The following MRPS28 variants were observed in gnomAD, a reference collection of about 807,000 sequenced individuals.
MRPS28 encodes the protein small ribosomal subunit protein bS1m.
MRPS28 carries 7 observed loss-of-function variants against 10.8 expected under a neutral mutation model. The ratio of observed to expected loss-of-function variants is 0.65; its 90% CI spans 0.37 to 1.22. The LOEUF (loss-of-function observed/expected upper bound fraction) is 1.22, where lower values mean the gene tolerates loss of function less well. MRPS28 is among the 50% of genes most tolerant of loss of function. The probability of loss-of-function intolerance (pLI) is 0.02; values close to 1 mark genes in which losing one functional copy is unlikely to be tolerated. For missense variants in MRPS28, 265 were observed against 232.9 expected, an observed-to-expected ratio of 1.14 and a Z score of -0.90; for synonymous variants, 121 against 93.3, an observed-to-expected ratio of 1.30 and a Z score of -1.71.
chr8:79,941,627 T>C (rs1249291930), intron 2 of MRPS28, among the ~76,000 whole-genome samples: 5 of 152,212 alleles, frequency 3.3e-5, no homozygotes, highest in Non-Finnish European at 7.3e-5. Context: ...AATAGAGTTC[T>C]TTCAAGATTT....
intron 1 of MRPS28, among the ~76,000 whole-genome samples, chr8:80,016,255 C>A (rs1809191867): frequency 1.3e-5 from 2 of 151,942 alleles, no homozygotes; most frequent in African/African-American, 4.8e-5. Context: ...TTTCAAACTA[C>A]AGAAAAATCA....
At position 80,023,178 on chromosome 8, in the gene MRPS28, C is replaced by T. The variant is rs552259086; in HGVS notation, c.213+6858G>A. On this transcript the variant is annotated intron_variant, in intron 1 of 2. Coordinates refer to ENST00000276585, the MANE Select transcript of MRPS28 (RefSeq NM_014018.3). ...ACTCAGAGGTAATTCTCCTAGAATT[C>T]TATAATGTAAAAACAGGTTGGCACC... 2.3e-3 allele frequency among the ~76,000 whole-genome samples: 352 copies of T among 152,236 alleles called. 1 individual carries two copies. The highest frequency in any genetic ancestry group is 7.8e-3 in the African/African-American group (322 of 41,544).
In MRPS28 at chr8:80,019,540, T is replaced by A. The variant is rs116302996; in HGVS notation, c.213+10496A>T. On this transcript the variant is annotated intron_variant, in intron 1 of 2. Coordinates refer to ENST00000276585, the MANE Select transcript of MRPS28 (RefSeq NM_014018.3). ...AAAAACCTACATATGTAATGGTAAG[T>A]AACTTGAAACTTTTCCTACTAAGCA... 6.4e-3 allele frequency among the ~76,000 whole-genome samples: 968 copies of A among 152,138 alleles called. 8 individuals are homozygous for A. The highest frequency in any genetic ancestry group is 0.022 in the African/African-American group (901 of 41,484).
At chr8:79,935,416 T>C (rs1806582789) in intron 2 of MRPS28, among the ~76,000 whole-genome samples, 1 of 152,228 alleles carries the variant, frequency 6.6e-6, no homozygotes, top group African/African-American at 2.4e-5. Flanking sequence ...AAGGAAATGG[T>C]CTTTCATTCT....
intron 2 of MRPS28, among the ~76,000 whole-genome samples, chr8:79,949,131 T>C (rs547291373): frequency 1.3e-5 from 2 of 152,144 alleles, no homozygotes; most frequent in African/African-American, 4.8e-5. Flanking sequence ...AAAACTAATC[T>C]GCGGCTCGGT....
chr8:80,017,923 A>C (rs542533022), intron 1 of MRPS28, among the ~76,000 whole-genome samples: 1 of 152,348 alleles, frequency 6.6e-6, no homozygotes, highest in South Asian at 2.1e-4. Context: ...TTCAAAAATC[A>C]AAATGTAGAC....
At chr8:79,929,737 T>C (rs2100346) in intron 2 of MRPS28, among the ~76,000 whole-genome samples, 118,345 of 152,028 alleles carry the variant, frequency 0.78, 46,524 homozygotes, top group African/African-American at 0.88. Context: ...TGTTTTTTTG[T>C]GTATTAATGG....
At position 80,029,994 on chromosome 8, in the gene MRPS28, G is replaced by A. The variant is rs776725597; in HGVS notation, c.213+42C>T. The A allele has an allele frequency of 2.5e-6, 4 of 1,597,762 alleles. No homozygotes were observed. The East Asian group carries it at 9.0e-5, about 36-fold the overall frequency. ...TCCCGACCCCGCCCACCGCGTCGTTGGCGTAATTCCCGCGACTCCCTCTCA... is the reference window on the plus strand; with the variant it reads ...TCCCGACCCCGCCCACCGCGTCGTTAGCGTAATTCCCGCGACTCCCTCTCA... On this transcript the variant is annotated intron_variant, in intron 1 of 2. Coordinates refer to ENST00000276585, the MANE Select transcript of MRPS28 (RefSeq NM_014018.3).
At chr8:79,959,716 A>G (rs149721779) in intron 2 of MRPS28, among the ~76,000 whole-genome samples, 25 of 152,230 alleles carry the variant, frequency 1.6e-4, no homozygotes, top group African/African-American at 5.5e-4. Context: ...CAAATAGCAA[A>G]TCTATTTATT....
intron 2 of MRPS28, among the ~76,000 whole-genome samples, chr8:79,988,461 AAAAG>A (rs1237572194): frequency 4.6e-5 from 7 of 151,252 alleles, no homozygotes; most frequent in Non-Finnish European, 8.9e-5. Flanking sequence ...AAAAATTAAA[AAAAG>A]AAAGAAACCT....
chr8:79,986,950 A>C lies in MRPS28; in HGVS notation c.395+16049T>G, dbSNP rs532786259. Among the ~76,000 whole-genome samples, 18 of 152,314 alleles carry C rather than the reference A, an allele frequency of 1.2e-4. No individual in the cohort carries two copies. The East Asian group carries it at 2.1e-3, about 18-fold the overall frequency. ...CTTTCAAGCTCATATGGAACCAAAA[A>C]AGAGCCCACATCGCCAAGTCAATCC... On this transcript the variant is annotated intron_variant, in intron 2 of 2. Coordinates refer to ENST00000276585, the MANE Select transcript of MRPS28 (RefSeq NM_014018.3).
At chr8:79,986,789 T>C (rs1289409701) in intron 2 of MRPS28, among the ~76,000 whole-genome samples, 1 of 152,042 alleles carries the variant, frequency 6.6e-6, no homozygotes, top group East Asian at 1.9e-4. Context: ...TACAAACAAA[T>C]GGAAGAACAT....
intron 2 of MRPS28, among the ~76,000 whole-genome samples, chr8:79,993,196 T>C (rs988854199): frequency 6.6e-6 from 1 of 152,188 alleles, no homozygotes; most frequent in African/African-American, 2.4e-5. Context: ...CTCTGTCCTA[T>C]TAAGATATTA....
chr8:79,961,497 C>T (rs1023380055), intron 2 of MRPS28, among the ~76,000 whole-genome samples: 2 of 152,112 alleles, frequency 1.3e-5, no homozygotes, highest in South Asian at 2.1e-4. Context: ...TCTTCTCATG[C>T]TTCAATTACT....
At chr8:79,956,865 C>T (rs1304427000) in intron 2 of MRPS28, 2 of 152,122 alleles carry the variant, frequency 1.3e-5, no homozygotes, top group Admixed American at 6.5e-5. Context: ...TGCACCTACA[C>T]TGGGTGACTA....
chr8:79,932,249 A>C (rs574886826), intron 2 of MRPS28, among the ~76,000 whole-genome samples: 229 of 152,336 alleles, frequency 1.5e-3, no homozygotes, highest in Non-Finnish European at 2.7e-3. Flanking sequence ...CAAATCAAAT[A>C]GGAGTAAGTG....
chr8:79,994,891 C>G (rs902290353), intron 2 of MRPS28, among the ~76,000 whole-genome samples: 6 of 152,102 alleles, frequency 3.9e-5, no homozygotes, highest in African/African-American at 1.4e-4. Context: ...GAAGAGGCAG[C>G]CTCTCTCTCA....
chr8:79,944,528 ATAGC>A (rs1806850057), intron 2 of MRPS28, among the ~76,000 whole-genome samples: 1 of 152,200 alleles, frequency 6.6e-6, no homozygotes, highest in Non-Finnish European at 1.5e-5. Flanking sequence ...GTTGTAAGAA[ATAGC>A]TAGCCCTTAT....
intron 2 of MRPS28, among the ~76,000 whole-genome samples, chr8:79,945,059 C>A (rs963713398): frequency 6.6e-6 from 1 of 152,034 alleles, no homozygotes; most frequent in African/African-American, 2.4e-5. Context: ...TATCAAGAGG[C>A]ATTTTAAAAT....
Sources: allele counts gnomAD v4.1 joint callset (sites outside exome capture counted in the v4.1 genomes callset), GRCh38; gene constraint gnomAD v4.1.1; transcripts MANE v1.5; gene names NCBI Gene and HGNC (gene_info 2026-07-23, HGNC 2026-07-21).